The following PPARGC1A variants were observed in gnomAD, a reference collection of about 807,000 sequenced individuals.
PPARGC1A encodes peroxisome proliferator-activated receptor gamma coactivator 1-alpha.
PPARGC1A carries 25 observed loss-of-function variants against 88.7 expected under a neutral mutation model. The observed-to-expected ratio is 0.28, with a 90% CI of 0.21 to 0.39. The LOEUF (loss-of-function observed/expected upper bound fraction) is 0.39. Among genes scored for constraint, PPARGC1A ranks in the 10% least tolerant of loss-of-function variants. The pLI, the probability that PPARGC1A is intolerant of heterozygous loss-of-function variation, is 1.00. For synonymous variants in PPARGC1A, 363 were observed against 355.6 expected (o/e 1.02, Z -0.24); for missense variants, 880 against 968.7 (o/e 0.91, Z 1.22).
At chr4:24,336,168 G>A in the PPARGC1A span, among the ~76,000 whole-genome samples, 1 of 151,922 alleles carries the variant, frequency 6.6e-6, no homozygotes, top group Non-Finnish European at 1.5e-5. Flanking sequence ...CTCCTCTCTA[G>A]TATTTTGTGT....
intron 2 of PPARGC1A, among the ~76,000 whole-genome samples, chr4:23,882,373 C>A (rs1160025522): frequency 1.3e-5 from 2 of 152,112 alleles, no homozygotes; most frequent in Non-Finnish European, 2.9e-5. Context: ...AAAGGGGAAG[C>A]CTGTGACTTT....
the PPARGC1A span, among the ~76,000 whole-genome samples, chr4:24,409,493 C>T: frequency 6.6e-5 from 10 of 152,216 alleles, no homozygotes; most frequent in South Asian, 2.1e-4. Flanking sequence ...CAGTGTACAC[C>T]GGAAAGTGCT....
At chr4:24,051,833 G>A in the PPARGC1A span, among the ~76,000 whole-genome samples, 3 of 151,550 alleles carry the variant, frequency 2.0e-5, no homozygotes, top group East Asian at 5.9e-4. Flanking sequence ...TGGGAGGTGA[G>A]ATTATGGAGT....
At chr4:24,118,113 C>T in the PPARGC1A span, among the ~76,000 whole-genome samples, 4 of 152,132 alleles carry the variant, frequency 2.6e-5, no homozygotes, top group Non-Finnish European at 4.4e-5. Flanking sequence ...TACAACAAAG[C>T]CCTGCCTGCA....
intron 2 of PPARGC1A, among the ~76,000 whole-genome samples, chr4:23,864,314 T>C (rs1731763734): frequency 6.6e-6 from 1 of 152,198 alleles, no homozygotes; most frequent in African/African-American, 2.4e-5. Context: ...GGGTAAGTCT[T>C]GCCTCCTTAT....
intron 2 of PPARGC1A, among the ~76,000 whole-genome samples, chr4:23,837,674 C>T (rs1726269452): frequency 6.6e-6 from 1 of 152,180 alleles, no homozygotes; most frequent in Non-Finnish European, 1.5e-5. Flanking sequence ...GCTAGAGTAA[C>T]ATCTGGTAAT....
At chr4:24,027,397 G>T in the PPARGC1A span, among the ~76,000 whole-genome samples, 1 of 151,982 alleles carries the variant, frequency 6.6e-6, no homozygotes, top group African/African-American at 2.4e-5. Context: ...CTATAAAAGT[G>T]GAAATAATGG....
chr4:24,259,482 A>C, the PPARGC1A span, among the ~76,000 whole-genome samples: 1 of 152,240 alleles, frequency 6.6e-6, no homozygotes, highest in African/African-American at 2.4e-5. Flanking sequence ...ACGACATTTC[A>C]GCCAACAACC....
At chr4:24,168,319 A>G in the PPARGC1A span, among the ~76,000 whole-genome samples, 1 of 152,210 alleles carries the variant, frequency 6.6e-6, no homozygotes, top group East Asian at 1.9e-4. Context: ...CATTTAGATG[A>G]ACAAGGGTGG....
chr4:24,395,598 G>T, the PPARGC1A span, among the ~76,000 whole-genome samples: 2 of 152,210 alleles, frequency 1.3e-5, no homozygotes, highest in Admixed American at 6.5e-5. Flanking sequence ...CTATCTCCAT[G>T]CTACTGTGGA....
the PPARGC1A span, among the ~76,000 whole-genome samples, chr4:24,371,922 G>A: frequency 6.6e-6 from 1 of 151,888 alleles, no homozygotes; most frequent in Non-Finnish European, 1.5e-5. Context: ...CTGCACTCCA[G>A]CCTGGGTAAC....
the PPARGC1A span, among the ~76,000 whole-genome samples, chr4:24,364,258 T>C: frequency 6.6e-6 from 1 of 152,168 alleles, no homozygotes; most frequent in Non-Finnish European, 1.5e-5. Context: ...TCAAACCATA[T>C]AAAGGGATTT....
chr4:23,984,549 G>C, the PPARGC1A span, among the ~76,000 whole-genome samples: 1 of 151,778 alleles, frequency 6.6e-6, no homozygotes, highest in Non-Finnish European at 1.5e-5. Context: ...TAAAAGAAAA[G>C]GATGCTTTAA....
chr4:24,333,040 G>A, the PPARGC1A span, among the ~76,000 whole-genome samples: 1 of 152,070 alleles, frequency 6.6e-6, no homozygotes, highest in East Asian at 1.9e-4. Context: ...TCAGGAGTTC[G>A]AGACCAGACT....
the PPARGC1A span, among the ~76,000 whole-genome samples, chr4:24,347,707 T>C: frequency 1.3e-5 from 2 of 152,210 alleles, no homozygotes; most frequent in Non-Finnish European, 2.9e-5. Flanking sequence ...TTCTTACCCA[T>C]CCTGCAGTTC....
chr4:24,385,342 C>A, the PPARGC1A span, among the ~76,000 whole-genome samples: 2 of 151,996 alleles, frequency 1.3e-5, no homozygotes, highest in Non-Finnish European at 1.5e-5. Flanking sequence ...ACTAGAGAAG[C>A]AAGAGCAAAC....
the PPARGC1A span, among the ~76,000 whole-genome samples, chr4:23,937,751 AC>A: frequency 6.6e-6 from 1 of 152,152 alleles, no homozygotes; most frequent in South Asian, 2.1e-4. Flanking sequence ...ATAGATCTCC[AC>A]CAGGGACAGA....
the PPARGC1A span, among the ~76,000 whole-genome samples, chr4:24,306,065 A>G: frequency 6.6e-6 from 1 of 152,192 alleles, no homozygotes; most frequent in Admixed American, 6.5e-5. Context: ...ATGAGTTACG[A>G]GAACACAATC....
At chr4:24,145,401 T>C in the PPARGC1A span, among the ~76,000 whole-genome samples, 1 of 152,234 alleles carries the variant, frequency 6.6e-6, no homozygotes, top group African/African-American at 2.4e-5. Flanking sequence ...TAACGCCATT[T>C]GACCATCTCT....
Sources: allele counts gnomAD v4.1 joint callset (sites outside exome capture counted in the v4.1 genomes callset), GRCh38; gene constraint gnomAD v4.1.1; transcripts MANE v1.5; gene names NCBI Gene and HGNC (gene_info 2026-07-23, HGNC 2026-07-21).